ZNF507: variants seen among roughly 807,000 people sequenced by gnomAD.
ZNF507 encodes the protein zinc finger protein 507.
ZNF507 carries 29 observed loss-of-function variants against 80.0 expected under a neutral mutation model. That is an observed-to-expected ratio of 0.36 (90% CI 0.27 to 0.49). ZNF507 has a LOEUF of 0.49. Ranked by LOEUF, ZNF507 falls within the 20% of genes least tolerant of loss-of-function variation. ZNF507 has a pLI of 0.98. For missense variants in ZNF507, 1,081 were observed against 1,152.2 expected (o/e 0.94, Z 0.90); for synonymous variants, 462 against 422.5 (o/e 1.09, Z -1.15).
rs144710516 is a variant in ZNF507, at chr19:32,353,470, A to T, written c.640A>T (p.Ile214Phe). The change falls in exon 3 of 7, where the codon ATC becomes TTC. Residue 214 changes from isoleucine (I) to phenylalanine (F), a missense_variant. Physicochemically the swap from Ile to Phe is conservative, Grantham distance 21 (BLOSUM62 0). Around this residue, in one of 6 missense-constraint regions of ZNF507, gnomAD observed 275 missense variants for 303.9 expected, o/e 0.90. Transcript: ENST00000355898. ...AGAAAGAAATGAAACCATTCCAGATATCCCAGTAAGTGTGGACAATCTACA... is the reference window on the plus strand; with the variant it reads ...AGAAAGAAATGAAACCATTCCAGATTTCCCAGTAAGTGTGGACAATCTACA... ...TTERNETIPD[I>F]PVSVDNLQTH... 6.3e-4 allele frequency: 1,011 copies of T among 1,614,238 alleles called. No homozygotes were observed. The highest frequency in any genetic ancestry group is 8.0e-4 in the Admixed American group (48 of 60,032).
At chr19:32,379,513 C>G (rs540785556) in intron 5 of ZNF507, among the ~76,000 whole-genome samples, 86 of 152,334 alleles carry the variant, frequency 5.6e-4, no homozygotes, top group Middle Eastern at 3.4e-3. Flanking sequence ...GCCTCACTTT[C>G]TTACTTCTTC....
chr19:32,354,276 G>C lies in ZNF507; in HGVS notation c.1446G>C (p.Arg482=). The change falls in exon 3 of 7, where the codon CGG becomes CGC. Residue 482 remains arginine (R), a synonymous_variant. Coordinates refer to ENST00000355898, the MANE Select transcript of ZNF507 (RefSeq NM_001136156.2). ...CTGATGAGAATGCCCCACCAGGCCG[G>C]AGAAGGACAAATTCTGAGTCTCTTC... ...LATDENAPPG[R]RRTNSESLRL... is the part of the protein sequence containing the mutation. 1 of 1,614,190 alleles carries C rather than the reference G, an allele frequency of 6.2e-7. No individual in the cohort carries two copies. Among genetic ancestry groups the C allele is most frequent in the South Asian group, 1.1e-5 (1 of 91,084 alleles).
rs1424870559 is a variant in ZNF507 at position 32,354,124 on chromosome 19, C to G, written c.1294C>G (p.Gln432Glu). The change falls in exon 3 of 7, where the codon CAG becomes GAG. Residue 432 changes from glutamine to glutamate, a missense_variant. By Grantham distance (29) the Gln-to-Glu change is conservative. This residue lies in a region of ZNF507 where 614 missense variants were observed against 583.9 expected (regional missense o/e 1.05). Coordinates refer to ENST00000355898, the MANE Select transcript of ZNF507 (RefSeq NM_001136156.2). Reference sequence around the variant, plus strand: ...GAAGGACCTGAGCCTGACAGAAGCTCAGATTGGGCGCGAAGGAATGGATGA... The same window carrying G: ...GAAGGACCTGAGCCTGACAGAAGCTGAGATTGGGCGCGAAGGAATGGATGA... ...EGKDLSLTEA[Q>E]IGREGMDDVY... 6.2e-7 allele frequency: 1 copy of G among 1,613,438 alleles called. No individual in the cohort carries two copies. Among genetic ancestry groups the G allele is most frequent in the East Asian group, 2.2e-5 (1 of 44,872 alleles).
chr19:32,380,954 C>G (rs1039505935), intron 5 of ZNF507, among the ~76,000 whole-genome samples: 1 of 152,076 alleles, frequency 6.6e-6, no homozygotes, highest in Admixed American at 6.6e-5. Flanking sequence ...CAACTTTGCA[C>G]ATGAATGTTC....
chr19:32,381,114 A>G (rs1461976890), intron 5 of ZNF507, among the ~76,000 whole-genome samples: 1 of 152,198 alleles, frequency 6.6e-6, no homozygotes, highest in Non-Finnish European at 1.5e-5. Flanking sequence ...TGTAAAAACC[A>G]TACATGCATA....
rs1367201651 is a variant in ZNF507, at chr19:32,382,427, T to C, written c.2361-40T>C. The C allele has an allele frequency of 3.7e-6, 6 of 1,605,598 alleles. No individual in the cohort carries two copies. In the African/African-American group the frequency reaches 4.0e-5, roughly 11 times the overall value. On this transcript the variant is annotated intron_variant, in intron 5 of 6. Coordinates refer to ENST00000355898, the MANE Select transcript of ZNF507 (RefSeq NM_001136156.2). ...TCATGATAATTTTTCACTGATGTTA[T>C]GGGACCGTTCTGATTTTCCCTTGCC...
intron 4 of ZNF507, chr19:32,358,407 A>G (rs1391523864): frequency 6.6e-6 from 1 of 152,206 alleles, no homozygotes; most frequent in Non-Finnish European, 1.5e-5. Flanking sequence ...TAGCACAGAT[A>G]CCTTAGGGCA....
At chr19:32,349,403 T>A (rs771604139) in intron 2 of ZNF507, among the ~76,000 whole-genome samples, 1 of 152,248 alleles carries the variant, frequency 6.6e-6, no homozygotes, top group Admixed American at 6.5e-5. Context: ...TACCTCTCCA[T>A]GAAGCTTTTG....
chr19:32,364,934 G>A (rs767134125), intron 5 of ZNF507, among the ~76,000 whole-genome samples: 19 of 151,764 alleles, frequency 1.3e-4, no homozygotes, highest in Non-Finnish European at 1.5e-4. Context: ...CCCACCAACC[G>A]TGTAGAAGTG....
chr19:32,374,716 A>G (rs1176176693), intron 5 of ZNF507, among the ~76,000 whole-genome samples: 1 of 152,112 alleles, frequency 6.6e-6, no homozygotes, highest in Non-Finnish European at 1.5e-5. Context: ...TCATGACCTC[A>G]GGTGATCCAC....
chr19:32,353,734 G>C lies in ZNF507; in HGVS notation c.904G>C (p.Val302Leu). 6.2e-7 allele frequency: 1 copy of C among 1,614,200 alleles called. No individual in the cohort carries two copies. Among genetic ancestry groups the C allele is most frequent in the South Asian group, 1.1e-5 (1 of 91,084 alleles). ...DSSAAAAPGG[V>L]DAVVIAIGES... Reference sequence around the variant, plus strand: ...TTCAGCAGCTGCTGCGCCTGGTGGGGTCGATGCAGTCGTCATTGCTATTGG... The same window carrying C: ...TTCAGCAGCTGCTGCGCCTGGTGGGCTCGATGCAGTCGTCATTGCTATTGG... Residue 302 changes from valine to leucine, a missense_variant, in exon 3 of 7, where the codon GTC becomes CTC. Physicochemically the swap from Val to Leu is conservative, Grantham distance 32 (BLOSUM62 1). This residue lies in a region of ZNF507 where 614 missense variants were observed against 583.9 expected (regional missense o/e 1.05). Transcript: ENST00000355898.
At chr19:32,371,840 C>T (rs538742564) in intron 5 of ZNF507, among the ~76,000 whole-genome samples, 87 of 151,730 alleles carry the variant, frequency 5.7e-4, no homozygotes, top group Non-Finnish European at 1.1e-3. Context: ...GGGGTTTCAC[C>T]GTGTTAGCCA....
In ZNF507 at chr19:32,378,475, C is replaced by T. The variant is rs114629462; in HGVS notation, c.2361-3992C>T. ...CAGAAACAGGATGTTAAGTACACAC[C>T]AGGGAAATCCGAATAAAGTGTGGAC... On this transcript the variant is annotated intron_variant, in intron 5 of 6. Coordinates refer to ENST00000355898, the MANE Select transcript of ZNF507 (RefSeq NM_001136156.2). Among the ~76,000 whole-genome samples the T allele has an allele frequency of 2.3e-3, 353 of 152,122 alleles. 3 individuals are homozygous for T. Among genetic ancestry groups the T allele is most frequent in the African/African-American group, 8.3e-3 (345 of 41,486 alleles).
intron 5 of ZNF507, among the ~76,000 whole-genome samples, chr19:32,372,460 C>T (rs1240069534): frequency 6.6e-6 from 1 of 152,090 alleles, no homozygotes; most frequent in East Asian, 1.9e-4. Context: ...AACCAGATCA[C>T]CCACAACGCT....
chr19:32,375,141 G>A (rs1967529485), intron 5 of ZNF507, among the ~76,000 whole-genome samples: 1 of 152,076 alleles, frequency 6.6e-6, no homozygotes, highest in Non-Finnish European at 1.5e-5. Flanking sequence ...AATGAAACAT[G>A]TAGCTCATTG....
intron 5 of ZNF507, among the ~76,000 whole-genome samples, chr19:32,365,581 A>G (rs923760002): frequency 6.6e-6 from 1 of 151,990 alleles, no homozygotes; most frequent in Non-Finnish European, 1.5e-5. Flanking sequence ...TCCACTCAAA[A>G]TTTTTCATAT....
intron 5 of ZNF507, among the ~76,000 whole-genome samples, chr19:32,361,930 T>C (rs1341492490): frequency 6.8e-6 from 1 of 147,864 alleles, no homozygotes; most frequent in East Asian, 2.1e-4. Context: ...CTTCCTTTTT[T>C]TCTTTGACAG....
chr19:32,363,394 G>A (rs1967355943), intron 5 of ZNF507, among the ~76,000 whole-genome samples: 1 of 152,154 alleles, frequency 6.6e-6, no homozygotes, highest in Non-Finnish European at 1.5e-5. Context: ...TTTCTGTAGT[G>A]GTGAAACCTG....
chr19:32,378,934 T>C (rs1406583464), intron 5 of ZNF507, among the ~76,000 whole-genome samples: 1 of 152,194 alleles, frequency 6.6e-6, no homozygotes, highest in Non-Finnish European at 1.5e-5. Flanking sequence ...CCCCTCTGCA[T>C]AACATAAAAA....
Sources: allele counts gnomAD v4.1 joint callset (sites outside exome capture counted in the v4.1 genomes callset), GRCh38; gene constraint gnomAD v4.1.1; regional missense constraint gnomAD v4.1.1; transcripts MANE v1.5; gene names NCBI Gene and HGNC (gene_info 2026-07-23, HGNC 2026-07-21).